Variants in SLC35F5 observed in about 807,000 individuals in gnomAD.
The protein encoded by SLC35F5 is HCV NS5A-transactivated protein 3.
A neutral mutation model predicts 68.6 loss-of-function variants in SLC35F5; 54 were observed. The ratio of observed to expected loss-of-function variants is 0.79; its 90% CI spans 0.63 to 0.99. SLC35F5 has a LOEUF of 0.99. Ranked by LOEUF, SLC35F5 falls within the 50% of genes least tolerant of loss-of-function variation. The pLI is 0.00. For missense variants in SLC35F5, 567 were observed against 626.9 expected, an observed-to-expected ratio of 0.90 and a Z score of 1.02; for synonymous variants, 211 against 205.2, an observed-to-expected ratio of 1.03 and a Z score of -0.24.
Position 113,711,829 on chromosome 2 carries a change from A to G in SLC35F5, c.*3389T>C, listed in dbSNP as rs922724583. ...ATAACTATACTTACTTAATATGAAA[A>G]TGACATTTCATTTATTTGCTAATAT... On this transcript the variant is annotated 3_prime_UTR_variant, in exon 16 of 16. Coordinates refer to ENST00000245680, the MANE Select transcript of SLC35F5 (RefSeq NM_025181.5). 3.3e-5 allele frequency among the ~76,000 whole-genome samples: 5 copies of G among 152,242 alleles called. No individual in the cohort carries two copies. The highest frequency in any genetic ancestry group is 1.2e-4 in the African/African-American group (5 of 41,464).
chr2:113,741,191 T>G (rs1457255033), intron 7 of SLC35F5, among the ~76,000 whole-genome samples: 1 of 152,046 alleles, frequency 6.6e-6, no homozygotes, highest in Non-Finnish European at 1.5e-5. Context: ...AAAAGACAAA[T>G]GCTGTATGAT....
rs549846282 is a variant in SLC35F5, at chr2:113,712,356, G to C, written c.*2862C>G. ...TTTTTTGAGACGGAGTCTCGCTGTCGCCCAGGCTGGAGTGCAGGGGCACGA... is the reference window on the plus strand; with the variant it reads ...TTTTTTGAGACGGAGTCTCGCTGTCCCCCAGGCTGGAGTGCAGGGGCACGA... On this transcript the variant is annotated 3_prime_UTR_variant, in exon 16 of 16. Coordinates refer to ENST00000245680, the MANE Select transcript of SLC35F5 (RefSeq NM_025181.5). Among the ~76,000 whole-genome samples, 39 of 151,250 alleles carry C rather than the reference G, an allele frequency of 2.6e-4. No homozygotes were observed. The highest frequency in any genetic ancestry group is 9.5e-4 in the African/African-American group (39 of 41,148).
chr2:113,755,355 A>C lies in SLC35F5; in HGVS notation c.132-49T>G, dbSNP rs555011169. ...ACATTAGAGATGATTTTAGAAAAAC[A>C]ACCATTAAAAATGAGAACATTAGTA... On this transcript the variant is annotated intron_variant, in intron 2 of 15. Transcript: ENST00000245680. 2.5e-6 allele frequency: 4 copies of C among 1,607,722 alleles called. No individual in the cohort carries two copies. In the African/African-American group the frequency reaches 5.4e-5, roughly 22 times the overall value.
intron 6 of SLC35F5, 86 bp downstream of exon 6, chr2:113,743,627 A>G (rs1050134958): frequency 2.4e-5 from 24 of 1,009,486 alleles, no homozygotes; most frequent in Non-Finnish European, 3.6e-5. Context: ...GAACTGCTAC[A>G]TGTTTCAGTC....
Position 113,706,923 on chromosome 2 carries a change from T to C in SLC35F5, c.*8295A>G, listed in dbSNP as rs903615433. 8.5e-5 allele frequency among the ~76,000 whole-genome samples: 13 copies of C among 152,310 alleles called. No homozygotes were observed. The highest frequency in any genetic ancestry group is 1.5e-4 in the Non-Finnish European group (10 of 68,022). On this transcript the variant is annotated 3_prime_UTR_variant, in exon 16 of 16. Coordinates refer to ENST00000245680, the MANE Select transcript of SLC35F5 (RefSeq NM_025181.5). ...TCTATAAAATAATGTTCCCAAATTATATAGTTTAAAATACACAATGTTTCA... is the reference window on the plus strand; with the variant it reads ...TCTATAAAATAATGTTCCCAAATTACATAGTTTAAAATACACAATGTTTCA...
chr2:113,716,884 G>C (rs1201970744), intron 15 of SLC35F5, among the ~76,000 whole-genome samples: 2 of 152,128 alleles, frequency 1.3e-5, no homozygotes, highest in African/African-American at 2.4e-5. Flanking sequence ...TAGGTTAGAA[G>C]CAAGTTTACC....
chr2:113,709,640 A>G lies in SLC35F5; in HGVS notation c.*5578T>C, dbSNP rs1451609631. ...ACTAATGAGGAACAGAAGGAATCCA[A>G]CGTCAGAGTTAGTGCTCTTCTCAGA... On this transcript the variant is annotated 3_prime_UTR_variant, in exon 16 of 16. Transcript: ENST00000245680. Among the ~76,000 whole-genome samples, 2 of 152,194 alleles carry G rather than the reference A, an allele frequency of 1.3e-5. No individual in the cohort carries two copies. Among genetic ancestry groups the G allele is most frequent in the African/African-American group, 2.4e-5 (1 of 41,440 alleles).
chr2:113,709,713 C>T lies in SLC35F5; in HGVS notation c.*5505G>A, dbSNP rs1396008313. Among the ~76,000 whole-genome samples the T allele has an allele frequency of 6.6e-6, 1 of 152,180 alleles. No homozygotes were observed. The highest frequency in any genetic ancestry group is 2.4e-5 in the African/African-American group (1 of 41,436). The stretch of plus-strand genomic sequence containing the variant: ...CCTGGGACCAGCAGCTGGGGCATTA[C>T]CTGGACGCTTGTTAGAAAGGCAAAT... On this transcript the variant is annotated 3_prime_UTR_variant, in exon 16 of 16. Coordinates refer to ENST00000245680, the MANE Select transcript of SLC35F5 (RefSeq NM_025181.5).
chr2:113,746,071 T>C (rs1046505505), intron 5 of SLC35F5, among the ~76,000 whole-genome samples: 52 of 152,274 alleles, frequency 3.4e-4, no homozygotes, highest in Non-Finnish European at 5.3e-4. Flanking sequence ...CCCCTCTCTC[T>C]TCAGAGGCAG....
intron 10 of SLC35F5, among the ~76,000 whole-genome samples, chr2:113,730,429 G>A (rs1687836928): frequency 6.6e-6 from 1 of 152,038 alleles, no homozygotes; most frequent in Non-Finnish European, 1.5e-5. Context: ...GCATACACAT[G>A]CACATACCAA....
At position 113,742,814 on chromosome 2, in the gene SLC35F5, C is replaced by A; in HGVS notation, c.628G>T (p.Ala210Ser). 2 of 1,614,122 alleles carry A rather than the reference C, an allele frequency of 1.2e-6. No individual in the cohort carries two copies. Among genetic ancestry groups the A allele is most frequent in the Non-Finnish European group, 1.7e-6 (2 of 1,179,990 alleles). The stretch of plus-strand genomic sequence containing the variant: ...ATGCGAGACAACTTTGCTTCCAATG[C>A]ATGACTTGACGGAAGCTGTCGAATC... ...MEIRQLPSSH[A>S]LEAKLSRMSY... Residue 210 changes from alanine (A) to serine (S), a missense_variant, in exon 7 of 16, where the codon GCA becomes TCA. Transcript: ENST00000245680.
chr2:113,741,657 C>T (rs534673254), intron 7 of SLC35F5, among the ~76,000 whole-genome samples: 6 of 149,594 alleles, frequency 4.0e-5, no homozygotes, highest in African/African-American at 9.9e-5. Flanking sequence ...GCTGAGATCG[C>T]GCCATTGCAC....
chr2:113,731,940 A>T (rs1209196190), intron 9 of SLC35F5, among the ~76,000 whole-genome samples: 1 of 152,148 alleles, frequency 6.6e-6, no homozygotes, highest in Non-Finnish European at 1.5e-5. Context: ...AGGTAAGGTA[A>T]CTTGACCAAG....
chr2:113,727,936 T>A (rs1465434221), intron 11 of SLC35F5, among the ~76,000 whole-genome samples: 1 of 152,202 alleles, frequency 6.6e-6, no homozygotes. Context: ...AAAACTAGCA[T>A]TTTATTCCAT....
intron 4 of SLC35F5, among the ~76,000 whole-genome samples, chr2:113,748,118 G>A (rs951668909): frequency 2.6e-5 from 4 of 151,926 alleles, no homozygotes; most frequent in Non-Finnish European, 4.4e-5. Context: ...AATGAATGAA[G>A]TACAGAAACA....
chr2:113,755,173 G>A lies in SLC35F5; in HGVS notation c.265C>T (p.Leu89Phe). ...VDVIWVASSE[L>F]TSYVFTQYNK... ...GGACCAAAGGTACATACCGAAGTAA[G>A]TTCAGAGGAAGCAACCCATATCACA... Residue 89 changes from leucine (L) to phenylalanine (F), a missense_variant, in exon 3 of 16, where the codon CTT (leucine) becomes TTT (phenylalanine). By Grantham distance (22) the Leu-to-Phe change is conservative. Transcript: ENST00000245680. The A allele has an allele frequency of 6.2e-7, 1 of 1,613,972 alleles. No individual in the cohort carries two copies.
Position 113,756,386 on chromosome 2 carries a change from G to A in SLC35F5, c.24C>T (p.Arg8=), listed in dbSNP as rs769326066. MVPPRRH[R]GAGRPGVLSS... is the part of the protein sequence containing the mutation. ...CCTGCCTACCTGGCCTTCCTGCCCC[G>A]CGATGGCGTCGTGGCGGCACCATGA... is the stretch of plus-strand genomic sequence containing the variant. The change falls in exon 1 of 16, where the codon CGC becomes CGT. Residue 8 remains arginine, a synonymous_variant. Transcript: ENST00000245680. The A allele has an allele frequency of 6.4e-7, 1 of 1,568,624 alleles. No homozygotes were observed.
intron 11 of SLC35F5, among the ~76,000 whole-genome samples, chr2:113,727,737 A>G (rs1003482026): frequency 2.0e-5 from 3 of 152,018 alleles, no homozygotes; most frequent in Non-Finnish European, 4.4e-5. Context: ...AATCCTGTCT[A>G]TTCTAAAGCC....
intron 11 of SLC35F5, among the ~76,000 whole-genome samples, chr2:113,726,200 C>T (rs1056224750): frequency 6.6e-6 from 1 of 152,118 alleles, no homozygotes; most frequent in Non-Finnish European, 1.5e-5. Context: ...CTCTTTAAGC[C>T]TCAGTTTTCC....
Sources: gnomAD v4.1 joint callset for allele counts (sites outside exome capture counted in the v4.1 genomes callset) on GRCh38, gnomAD v4.1.1 for gene constraint, MANE v1.5 for transcripts, NCBI Gene and HGNC (gene_info 2026-07-23, HGNC 2026-07-21) for gene names.